Variants in DLG2 observed in about 807,000 individuals in gnomAD.
DLG2 encodes discs large MAGUK scaffold protein 2.
In DLG2, 45 loss-of-function variants were observed where a neutral mutation model predicts 132.5. The ratio of observed to expected loss-of-function variants is 0.34; its 90% CI spans 0.27 to 0.44. The LOEUF (loss-of-function observed/expected upper bound fraction) is 0.44, where lower values mean the gene tolerates loss of function less well. DLG2 is among the 20% of genes least tolerant of loss of function. The pLI is 1.00. For missense variants in DLG2, 1,045 were observed against 1,196.9 expected, an observed-to-expected ratio of 0.87 and a Z score of 1.87; for synonymous variants, 424 against 419.6, an observed-to-expected ratio of 1.01 and a Z score of -0.13.
chr11:84,992,771 T>C (rs1420409314), intron 6 of DLG2, among the ~76,000 whole-genome samples: 1 of 152,206 alleles, frequency 6.6e-6, no homozygotes. Flanking sequence ...TTTAAGTTCC[T>C]TGTAGATTCT....
At chr11:84,579,888 G>A (rs1056069734) in intron 6 of DLG2, among the ~76,000 whole-genome samples, 65 of 152,310 alleles carry the variant, frequency 4.3e-4, no homozygotes, top group Middle Eastern at 3.4e-3. Context: ...GGTGGCTGGT[G>A]GAATGTGGGG....
At chr11:84,682,258 T>G (rs1274834829) in intron 6 of DLG2, among the ~76,000 whole-genome samples, 1 of 152,208 alleles carries the variant, frequency 6.6e-6, no homozygotes, top group Non-Finnish European at 1.5e-5. Context: ...AGTCACTGTC[T>G]GGCTATGTGA....
At chr11:84,201,091 A>G (rs1004805432) in intron 8 of DLG2, among the ~76,000 whole-genome samples, 4 of 152,140 alleles carry the variant, frequency 2.6e-5, no homozygotes, top group Non-Finnish European at 5.9e-5. Flanking sequence ...TTTGTCACAT[A>G]TGGCTCTTAT....
chr11:85,525,213 A>G (rs910980342), intron 3 of DLG2, among the ~76,000 whole-genome samples: 1 of 152,230 alleles, frequency 6.6e-6, no homozygotes, highest in Non-Finnish European at 1.5e-5. Flanking sequence ...AGCATTTGAA[A>G]AAGTACAACA....
At chr11:83,743,363 C>A (rs1184670525) in intron 18 of DLG2, among the ~76,000 whole-genome samples, 2 of 151,066 alleles carry the variant, frequency 1.3e-5, no homozygotes, top group Non-Finnish European at 2.9e-5. Context: ...GCCCTAAGCA[C>A]CCTACTTTAT....
intron 6 of DLG2, among the ~76,000 whole-genome samples, chr11:84,632,518 G>A (rs12274936): frequency 0.077 from 11,764 of 152,176 alleles, 543 homozygotes; most frequent in South Asian, 0.11. Context: ...ATGTAAATTT[G>A]ATCCCATTTT....
intron 7 of DLG2, among the ~76,000 whole-genome samples, chr11:84,443,782 T>C (rs947268032): frequency 2.6e-5 from 4 of 151,792 alleles, no homozygotes; most frequent in African/African-American, 9.7e-5. Context: ...TACTGAACAC[T>C]AATCTTTTAT....
At chr11:84,744,855 G>GA (rs1412640560) in intron 6 of DLG2, among the ~76,000 whole-genome samples, 1 of 134,524 alleles carries the variant, frequency 7.4e-6, no homozygotes, top group Non-Finnish European at 1.6e-5. Context: ...TTTGAACTAC[G>GA]AAAGTTTCTG....
intron 6 of DLG2, among the ~76,000 whole-genome samples, chr11:84,606,301 C>T (rs775558177): frequency 6.6e-6 from 1 of 151,924 alleles, no homozygotes; most frequent in Non-Finnish European, 1.5e-5. Flanking sequence ...GAATTTTATG[C>T]GTACATGATA....
intron 6 of DLG2, among the ~76,000 whole-genome samples, chr11:84,797,987 T>C (rs1490404441): frequency 3.3e-5 from 5 of 152,180 alleles, no homozygotes; most frequent in African/African-American, 1.2e-4. Flanking sequence ...ACCAGGCAGA[T>C]ACTCTTGCTC....
chr11:83,579,395 G>A (rs918781743), intron 19 of DLG2, among the ~76,000 whole-genome samples: 2 of 152,072 alleles, frequency 1.3e-5, no homozygotes, highest in Non-Finnish European at 2.9e-5. Context: ...CTTAGACTAC[G>A]TAGCTATGGC....
chr11:83,533,119 A>G (rs2095798757), intron 20 of DLG2, among the ~76,000 whole-genome samples: 1 of 152,160 alleles, frequency 6.6e-6, no homozygotes, highest in Non-Finnish European at 1.5e-5. Flanking sequence ...ATGAACACCT[A>G]TATTGGAGAC....
intron 11 of DLG2, among the ~76,000 whole-genome samples, chr11:83,995,997 C>T: frequency 6.6e-6 from 1 of 152,122 alleles, no homozygotes; most frequent in South Asian, 2.1e-4. Flanking sequence ...AGTTAAAAGG[C>T]TTCTGATAGT....
chr11:83,843,252 T>G (rs1015047242), intron 16 of DLG2, among the ~76,000 whole-genome samples: 7 of 152,188 alleles, frequency 4.6e-5, no homozygotes, highest in African/African-American at 1.4e-4. Context: ...CCAGGCTGTT[T>G]GCTGTTTGCT....
At chr11:85,605,016 T>C (rs1194908912) in intron 2 of DLG2, among the ~76,000 whole-genome samples, 2 of 152,114 alleles carry the variant, frequency 1.3e-5, no homozygotes, top group Non-Finnish European at 2.9e-5. Flanking sequence ...AAAACTCAGA[T>C]CAAAGTATAA....
intron 6 of DLG2, among the ~76,000 whole-genome samples, chr11:84,711,880 G>A (rs944840799): frequency 1.3e-5 from 2 of 151,940 alleles, no homozygotes; most frequent in Non-Finnish European, 1.5e-5. Context: ...ACCACATCAA[G>A]GTACCACATT....
At chr11:84,311,182 T>C (rs2154388052) in intron 7 of DLG2, among the ~76,000 whole-genome samples, 1 of 152,290 alleles carries the variant, frequency 6.6e-6, no homozygotes, top group South Asian at 2.1e-4. Flanking sequence ...CCTTCATCAT[T>C]ATAAGGAAGA....
intron 3 of DLG2, among the ~76,000 whole-genome samples, chr11:85,416,011 C>T (rs1313024884): frequency 6.6e-6 from 1 of 152,128 alleles, no homozygotes; most frequent in Non-Finnish European, 1.5e-5. Flanking sequence ...TTAGGTCTTA[C>T]ATTTAAGTCT....
chr11:83,617,879 C>A (rs1005620989), intron 19 of DLG2, among the ~76,000 whole-genome samples: 2 of 152,094 alleles, frequency 1.3e-5, no homozygotes, highest in Non-Finnish European at 2.9e-5. Flanking sequence ...TGGCTATAGT[C>A]CCAGGTACTC....
Sources: allele counts gnomAD v4.1 joint callset (sites outside exome capture counted in the v4.1 genomes callset), GRCh38; gene constraint gnomAD v4.1.1; transcripts MANE v1.5; gene names NCBI Gene and HGNC (gene_info 2026-07-23, HGNC 2026-07-21).